The following ME1 variants were observed in gnomAD, a reference collection of about 807,000 sequenced individuals.
ME1 encodes malic enzyme 1.
A neutral mutation model predicts 66.4 loss-of-function variants in ME1; 74 were observed. That is an observed-to-expected ratio of 1.11 (90% CI 0.92 to 1.35). The LOEUF (loss-of-function observed/expected upper bound fraction) is 1.35. ME1 is among the 40% of genes most tolerant of loss of function. ME1 has a pLI of 0.00. For missense variants in ME1, 750 were observed against 694.1 expected (o/e 1.08, Z -0.90); for synonymous variants, 251 against 235.6 (o/e 1.07, Z -0.60).
At chr6:83,373,570 A>G (rs995519410) in intron 3 of ME1, among the ~76,000 whole-genome samples, 133 of 152,318 alleles carry the variant, frequency 8.7e-4, no homozygotes, top group African/African-American at 3.1e-3. Flanking sequence ...TGATCATTAT[A>G]TTTAACAAAA....
intron 1 of ME1, 96 bp downstream of exon 1, chr6:83,430,781 G>C (rs929164877): frequency 1.8e-6 from 2 of 1,102,462 alleles, no homozygotes; most frequent in East Asian, 5.7e-5. Context: ...CCAGGGGAGC[G>C]GCGGAGGGGC....
At chr6:83,418,243 T>C (rs1229296170) in intron 1 of ME1, among the ~76,000 whole-genome samples, 2 of 152,310 alleles carry the variant, frequency 1.3e-5, no homozygotes, top group African/African-American at 4.8e-5. Context: ...AATAGTATAA[T>C]TGGCTCACAT....
chr6:83,291,344 G>C (rs1275353077), intron 6 of ME1, among the ~76,000 whole-genome samples: 2 of 152,178 alleles, frequency 1.3e-5, no homozygotes, highest in Non-Finnish European at 2.9e-5. Flanking sequence ...GCATTTGCTT[G>C]TCTGTAAAGC....
At chr6:83,277,214 T>C (rs149696750) in intron 6 of ME1, among the ~76,000 whole-genome samples, 5,821 of 152,342 alleles carry the variant, frequency 0.038, 380 homozygotes, top group African/African-American at 0.13. Context: ...CATTATATTG[T>C]CTTTTATAAA....
chr6:83,240,757 A>G (rs1790495986), intron 7 of ME1, among the ~76,000 whole-genome samples: 1 of 152,172 alleles, frequency 6.6e-6, no homozygotes, highest in Admixed American at 6.5e-5. Context: ...AGCGTTATGT[A>G]TGTCAAGTAT....
chr6:83,265,497 C>G (rs1487999478), intron 6 of ME1, among the ~76,000 whole-genome samples: 1 of 152,006 alleles, frequency 6.6e-6, no homozygotes, highest in Non-Finnish European at 1.5e-5. Context: ...GACAAGGGCT[C>G]ACTACATTGC....
chr6:83,329,708 T>C (rs1768368700), intron 5 of ME1, among the ~76,000 whole-genome samples: 1 of 152,356 alleles, frequency 6.6e-6, no homozygotes, highest in East Asian at 1.9e-4. Context: ...TATTGACCAT[T>C]TTTATTTCTT....
intron 7 of ME1, among the ~76,000 whole-genome samples, chr6:83,249,347 C>T (rs1351275813): frequency 6.6e-6 from 1 of 151,942 alleles, no homozygotes; most frequent in Admixed American, 6.6e-5. Flanking sequence ...GTTCAAGGGC[C>T]TCCCAAGTAG....
chr6:83,243,064 C>A (rs1193309663), intron 7 of ME1, among the ~76,000 whole-genome samples: 2 of 151,654 alleles, frequency 1.3e-5, no homozygotes, highest in Non-Finnish European at 2.9e-5. Context: ...TTGAGACCAG[C>A]CTGGGCAACA....
intron 5 of ME1, among the ~76,000 whole-genome samples, chr6:83,330,815 T>C (rs1004615433): frequency 1.4e-4 from 21 of 152,128 alleles, no homozygotes; most frequent in African/African-American, 5.1e-4. Flanking sequence ...ATAAAATCTA[T>C]TAAGATCTTC....
chr6:83,306,965 T>C (rs1247128000), intron 6 of ME1, among the ~76,000 whole-genome samples: 2 of 152,038 alleles, frequency 1.3e-5, no homozygotes, highest in Admixed American at 6.6e-5. Flanking sequence ...TAAAATGGAA[T>C]TAGGCACAAA....
At chr6:83,274,308 G>A (rs1297223030) in intron 6 of ME1, among the ~76,000 whole-genome samples, 1 of 152,026 alleles carries the variant, frequency 6.6e-6, no homozygotes. Flanking sequence ...GTTAAGCAGT[G>A]GATAGATGGA....
intron 3 of ME1, among the ~76,000 whole-genome samples, chr6:83,386,633 A>G (rs1769507983): frequency 1.3e-5 from 2 of 151,970 alleles, no homozygotes; most frequent in African/African-American, 4.8e-5. Flanking sequence ...AGTTTACATT[A>G]TAATTGTCAA....
intron 6 of ME1, among the ~76,000 whole-genome samples, chr6:83,288,324 T>C (rs1339015828): frequency 1.3e-5 from 2 of 152,192 alleles, no homozygotes; most frequent in Admixed American, 1.3e-4. Context: ...CTTGAGTTGA[T>C]TTTTGTATAA....
intron 6 of ME1, among the ~76,000 whole-genome samples, chr6:83,269,447 TTC>T (rs1408938885): frequency 6.6e-6 from 1 of 152,172 alleles, no homozygotes; most frequent in Non-Finnish European, 1.5e-5. Flanking sequence ...CTTGAGACTG[TTC>T]TGTTAGTTTA....
intron 1 of ME1, among the ~76,000 whole-genome samples, chr6:83,423,662 G>A (rs1331888461): frequency 3.3e-5 from 5 of 151,948 alleles, no homozygotes; most frequent in Admixed American, 3.3e-4. Flanking sequence ...AGCCAGGAGT[G>A]GTAGCACATG....
chr6:83,240,434 T>A (rs900897481), intron 7 of ME1, among the ~76,000 whole-genome samples: 2 of 152,116 alleles, frequency 1.3e-5, no homozygotes, highest in African/African-American at 4.8e-5. Flanking sequence ...CCTCATCATG[T>A]CTCATAGGCA....
chr6:83,300,612 T>TTG (rs1233295781), intron 6 of ME1, among the ~76,000 whole-genome samples: 1 of 131,194 alleles, frequency 7.6e-6, no homozygotes, highest in Non-Finnish European at 1.6e-5. Context: ...CTTTCTTTCT[T>TTG]TTTTTTTTTT....
intron 6 of ME1, among the ~76,000 whole-genome samples, chr6:83,298,478 T>A (rs926164937): frequency 6.6e-6 from 1 of 152,180 alleles, no homozygotes; most frequent in Non-Finnish European, 1.5e-5. Context: ...CTTTCTCAGA[T>A]GGATAGATTG....
Sources: gnomAD v4.1 joint callset for allele counts (sites outside exome capture counted in the v4.1 genomes callset) on GRCh38, gnomAD v4.1.1 for gene constraint, MANE v1.5 for transcripts, NCBI Gene and HGNC (gene_info 2026-07-23, HGNC 2026-07-21) for gene names.